The following ANK3 variants were observed in gnomAD, a reference collection of about 807,000 sequenced individuals.
ANK3 encodes the protein ankyrin 3.
In ANK3, 57 loss-of-function variants were observed where a neutral mutation model predicts 370.9. The observed-to-expected ratio is 0.15, with a 90% CI of 0.12 to 0.19. The LOEUF is 0.19. Among genes scored for constraint, ANK3 ranks in the 10% least tolerant of loss-of-function variants. The probability of loss-of-function intolerance (pLI) is 1.00; values close to 1 mark genes in which losing one functional copy is unlikely to be tolerated. For synonymous variants in ANK3, 1,929 were observed against 1,946.3 expected (o/e 0.99, Z 0.23); for missense variants, 4,439 against 5,302.1 (o/e 0.84, Z 5.06).
chr10:60,473,478 C>T (rs1386244530), intron 2 of ANK3, among the ~76,000 whole-genome samples: 5 of 152,076 alleles, frequency 3.3e-5, no homozygotes, highest in Admixed American at 2.0e-4. Flanking sequence ...ATTTTACATT[C>T]ACTAAGATGA....
chr10:60,075,283 CTGAGGA>C lies in ANK3; in HGVS notation c.5592_5597del (p.His1864_Pro1865del). 1.2e-6 allele frequency: 2 copies of C among 1,614,126 alleles called. No homozygotes were observed. The highest frequency in any genetic ancestry group is 1.7e-6 in the Non-Finnish European group (2 of 1,180,006). On this transcript the variant is annotated inframe_deletion, in exon 37 of 44. Transcript: ENST00000280772. ...GAGATGAAGTTCGACTGAAGTGAGG[CTGAGGA>C]TGTGTCTCCGTAGTCAATGTTTTAA...
chr10:60,661,162 T>G (rs531215243), intron 1 of ANK3, among the ~76,000 whole-genome samples: 54 of 151,422 alleles, frequency 3.6e-4, no homozygotes, highest in Middle Eastern at 3.4e-3. Context: ...GTTTTGGTTT[T>G]TTTTTTTTTC....
chr10:60,217,004 G>A (rs1056170078), intron 8 of ANK3, among the ~76,000 whole-genome samples: 58 of 152,188 alleles, frequency 3.8e-4, no homozygotes, highest in Non-Finnish European at 8.8e-5. Context: ...GAGGGTATAC[G>A]TGTCCAGGAA....
At chr10:60,134,856 T>A (rs1424917056) in intron 24 of ANK3, among the ~76,000 whole-genome samples, 1 of 152,242 alleles carries the variant, frequency 6.6e-6, no homozygotes, top group Non-Finnish European at 1.5e-5. Context: ...ATAGAAAACA[T>A]CAAGAAGGAA....
At chr10:60,262,509 A>G (rs2097822525) in intron 6 of ANK3, among the ~76,000 whole-genome samples, 1 of 152,212 alleles carries the variant, frequency 6.6e-6, no homozygotes, top group Admixed American at 6.5e-5. Context: ...TGCCTATTCA[A>G]TAACACATGT....
At position 60,550,569 on chromosome 10, in the gene ANK3, G is replaced by A. The variant is rs547487746; in HGVS notation, c.96+64617C>T. On this transcript the variant is annotated intron_variant, in intron 2 of 43. Coordinates refer to the ANK3 transcript ENST00000373827. ...ATTTTTCTGGTATTTTCATGACAAGGTATATTTCTTGTATTCTTAAAAGAC... is the reference window on the plus strand; with the variant it reads ...ATTTTTCTGGTATTTTCATGACAAGATATATTTCTTGTATTCTTAAAAGAC... Among the ~76,000 whole-genome samples, 67 of 151,576 alleles carry A rather than the reference G, an allele frequency of 4.4e-4. 1 individual carries two copies. The highest frequency in any genetic ancestry group is 6.2e-4 in the Non-Finnish European group (42 of 67,812).
At chr10:60,412,484 G>A (rs1474398333) in intron 2 of ANK3, among the ~76,000 whole-genome samples, 1 of 152,116 alleles carries the variant, frequency 6.6e-6, no homozygotes, top group Non-Finnish European at 1.5e-5. Context: ...GCTTTCCTGG[G>A]TCTCCAGCTT....
At chr10:60,178,162 G>C (rs2096034168) in intron 18 of ANK3, among the ~76,000 whole-genome samples, 1 of 152,126 alleles carries the variant, frequency 6.6e-6, no homozygotes, top group Non-Finnish European at 1.5e-5. Context: ...GGCCCTCTGA[G>C]ATCTTAATTT....
chr10:60,395,325 A>G (rs538826441), intron 2 of ANK3, among the ~76,000 whole-genome samples: 3 of 151,298 alleles, frequency 2.0e-5, no homozygotes, highest in Admixed American at 2.0e-4. Context: ...TAAATAAAAC[A>G]TATTATTAAA....
intron 8 of ANK3, among the ~76,000 whole-genome samples, chr10:60,224,444 AGG>A (rs2097107063): frequency 6.6e-6 from 1 of 152,132 alleles, no homozygotes; most frequent in Admixed American, 6.5e-5. Flanking sequence ...GTACATGCGA[AGG>A]TCAAAAGACT....
intron 1 of ANK3, among the ~76,000 whole-genome samples, chr10:60,679,635 C>A (rs778916165): frequency 2.6e-5 from 4 of 152,086 alleles, no homozygotes; most frequent in Non-Finnish European, 5.9e-5. Flanking sequence ...GGCAGGCCAC[C>A]GTGCATGCGG....
rs1223032822 is a variant in ANK3, at chr10:60,071,896, G to A, written c.8985C>T (p.Ser2995=). The change falls in exon 37 of 44, where the codon TCC becomes TCT. Residue 2995 remains serine, a synonymous_variant. Coordinates refer to ENST00000280772, the MANE Select transcript of ANK3 (RefSeq NM_020987.5). ...FPKHELSQKL[S]QSSMSKETVE... ...CTGTCTCTTTACTCATGCTTGACTG[G>A]GACAATTTTTGTGATAGTTCATGTT... 3 of 1,613,964 alleles carry A rather than the reference G, an allele frequency of 1.9e-6. No individual in the cohort carries two copies. Among genetic ancestry groups the A allele is most frequent in the Non-Finnish European group, 2.5e-6 (3 of 1,179,976 alleles).
intron 8 of ANK3, among the ~76,000 whole-genome samples, chr10:60,227,805 C>A (rs574130527): frequency 7.5e-4 from 114 of 152,236 alleles, no homozygotes; most frequent in African/African-American, 2.6e-3. Context: ...TCTCCTATAG[C>A]TTAACATATT....
chr10:60,395,614 TTCGTTCTCTC>T (rs1567004680), intron 2 of ANK3, among the ~76,000 whole-genome samples: 6 of 71,986 alleles, frequency 8.3e-5, no homozygotes, highest in African/African-American at 2.0e-4. Flanking sequence ...CTTTCTCTCT[TTCGTTCTCTC>T]TCTCTCTCTC....
intron 1 of ANK3, among the ~76,000 whole-genome samples, chr10:60,322,652 T>A (rs1039140151): frequency 5.9e-5 from 9 of 152,174 alleles, no homozygotes; most frequent in Non-Finnish European, 1.2e-4. Context: ...TTTTGTGTGT[T>A]TAATGTATGT....
chr10:60,520,403 T>TA lies in ANK3; in HGVS notation c.96+94782dup, dbSNP rs1473889392. Among the ~76,000 whole-genome samples, 7 of 152,162 alleles carry TA rather than the reference T, an allele frequency of 4.6e-5. No homozygotes were observed. In the East Asian group the frequency reaches 1.4e-3, roughly 29 times the overall value. ...ATATAACCATTAACGAACCTGCACA[T>TA]ACACTACCTAAATCTAAAATAAAAG... On this transcript the variant is annotated intron_variant, in intron 2 of 43. Transcript: ENST00000373827.
chr10:60,411,415 G>A (rs1231535728), intron 2 of ANK3, among the ~76,000 whole-genome samples: 1 of 152,188 alleles, frequency 6.6e-6, no homozygotes, highest in African/African-American at 2.4e-5. Flanking sequence ...ATGTTTTCTT[G>A]ATGGTTCTTT....
At chr10:60,709,601 GA>G (rs1436120541) in intron 1 of ANK3, among the ~76,000 whole-genome samples, 1 of 152,044 alleles carries the variant, frequency 6.6e-6, no homozygotes, top group East Asian at 1.9e-4. Context: ...GAAGCAGGAG[GA>G]TCCCTTGAGC....
At chr10:60,690,863 T>G (rs1305008140) in intron 1 of ANK3, among the ~76,000 whole-genome samples, 1 of 152,222 alleles carries the variant, frequency 6.6e-6, no homozygotes, top group Non-Finnish European at 1.5e-5. Flanking sequence ...GAGCTGTTAC[T>G]GAGTGTTTCT....
Sources: gnomAD v4.1 joint callset for allele counts (sites outside exome capture counted in the v4.1 genomes callset) on GRCh38, gnomAD v4.1.1 for gene constraint, MANE v1.5 for transcripts, NCBI Gene and HGNC (gene_info 2026-07-23, HGNC 2026-07-21) for gene names.